Variants in CCDC88A observed in about 807,000 individuals in gnomAD.
The protein encoded by CCDC88A is girdin.
A neutral mutation model predicts 234.3 loss-of-function variants in CCDC88A; 54 were observed. The ratio of observed to expected loss-of-function variants is 0.23; its 90% CI spans 0.19 to 0.29. The LOEUF is 0.29. CCDC88A is among the 10% of genes least tolerant of loss of function. CCDC88A has a pLI of 1.00. For missense variants in CCDC88A, 1,832 were observed against 2,123.4 expected, an observed-to-expected ratio of 0.86 and a Z score of 2.70; for synonymous variants, 753 against 737.8, an observed-to-expected ratio of 1.02 and a Z score of -0.33.
intron 3 of CCDC88A, among the ~76,000 whole-genome samples, chr2:55,377,559 C>A (rs1298696507): frequency 1.3e-5 from 2 of 151,754 alleles, no homozygotes; most frequent in African/African-American, 2.4e-5. Flanking sequence ...GACGAAAGAG[C>A]CTTCAAATTC....
In CCDC88A at chr2:55,346,290, C is replaced by T. The variant is rs1669098738; in HGVS notation, c.926G>A (p.Arg309Gln). The T allele has an allele frequency of 6.2e-6, 10 of 1,608,904 alleles. No homozygotes were observed. Among genetic ancestry groups the T allele is most frequent in the East Asian group, 4.5e-5 (2 of 44,676 alleles). Residue 309 changes from arginine (R) to glutamine (Q), a missense_variant, in exon 10 of 33, where the codon CGA becomes CAA. This residue lies in a region of CCDC88A where 1,282 missense variants were observed against 1,543.6 expected (regional missense o/e 0.83). Transcript: ENST00000436346. ...LSDARSARMY[R>Q]DELDALREKA... ...CTCTCGAAGTGCATCTAATTCATCTCGGTACATTCTGGCAGAGCGAGCATC... is the reference window on the plus strand; with the variant it reads ...CTCTCGAAGTGCATCTAATTCATCTTGGTACATTCTGGCAGAGCGAGCATC...
At chr2:55,347,091 T>C (rs1470535255) in intron 9 of CCDC88A, among the ~76,000 whole-genome samples, 1 of 152,132 alleles carries the variant, frequency 6.6e-6, no homozygotes, top group Non-Finnish European at 1.5e-5. Flanking sequence ...CTAAAATAAA[T>C]CATTAATTAC....
chr2:55,365,240 C>G (rs1261630804), intron 5 of CCDC88A, among the ~76,000 whole-genome samples: 1 of 152,000 alleles, frequency 6.6e-6, no homozygotes. Context: ...GGTTTAAACT[C>G]AAGAATTTTT....
Position 55,334,223 on chromosome 2 carries a change from GT to G in CCDC88A, c.2597del (p.Asn866ThrfsTer18). ...NVKIGNLEKE[N>X]KTLSKEIGIY... ...TACCAATTTCTTTGGATAGGGTTTT[GT>G]TTTCTTTTTCCAAATTTCCAATCTT... On this transcript the variant is annotated frameshift_variant, in exon 15 of 33. Transcript: ENST00000436346. LOFTEE classifies it high-confidence loss of function. The surrounding 1 kb of genome is among the most constrained non-coding windows in gnomAD (Gnocchi z 6.1). The G allele has an allele frequency of 6.9e-7, 1 of 1,451,900 alleles. No homozygotes were observed. The highest frequency in any genetic ancestry group is 2.5e-5 in the East Asian group (1 of 39,922). The allele number at this position is 1,451,900 out of a possible 1,614,324, so 89.9% of individuals were successfully genotyped here.
At chr2:55,337,132 T>C in intron 13 of CCDC88A, 1 of 183,232 alleles carries the variant, frequency 5.5e-6, no homozygotes, top group South Asian at 1.4e-4. Flanking sequence ...AAAGATTCAC[T>C]TGGCTTGAGT....
chr2:55,334,750 A>T lies in CCDC88A; in HGVS notation c.2071T>A (p.Ser691Thr), dbSNP rs771650516. Residue 691 changes from serine to threonine, a missense_variant, in exon 15 of 33, where the codon TCC (serine) becomes ACC (threonine). Coordinates refer to ENST00000436346, the MANE Select transcript of CCDC88A (RefSeq NM_001365480.1). This position sits in a 1 kb window ranked among gnomAD's most constrained non-coding sequence, Gnocchi z 6.1. ...AGTTGGGAATTCTCTTTTTCTAGGGATTCTAACTGAAAGGTCAGATTTTTA... is the reference window on the plus strand; with the variant it reads ...AGTTGGGAATTCTCTTTTTCTAGGGTTTCTAACTGAAAGGTCAGATTTTTA... Reference protein sequence around the residue: ...SFKNLTFQLESLEKENSQLDE... With the variant: ...SFKNLTFQLETLEKENSQLDE... 6.2e-7 allele frequency: 1 copy of T among 1,610,422 alleles called. No homozygotes were observed. Among genetic ancestry groups the T allele is most frequent in the Non-Finnish European group, 8.5e-7 (1 of 1,178,770 alleles).
chr2:55,332,948 T>A lies in CCDC88A; in HGVS notation c.2728-255A>T, dbSNP rs1181561540. 6.6e-6 allele frequency among the ~76,000 whole-genome samples: 1 copy of A among 152,198 alleles called. No individual in the cohort carries two copies. Among genetic ancestry groups the A allele is most frequent in the African/African-American group, 2.4e-5 (1 of 41,450 alleles). On this transcript the variant is annotated intron_variant, in intron 15 of 32. Transcript: ENST00000436346. The surrounding 1 kb of genome is among the most constrained non-coding windows in gnomAD (Gnocchi z 4.5). ...TAACTCTTTACTTGTGAATACACAT[T>A]TAGGTTTGAAAACTGGGGAAAATCA...
intron 8 of CCDC88A, among the ~76,000 whole-genome samples, chr2:55,353,649 C>CAAAAAAA (rs34022778): frequency 5.2e-5 from 4 of 77,072 alleles, no homozygotes; most frequent in East Asian, 3.8e-4. Flanking sequence ...GAAACCAAAC[C>CAAAAAAA]AAAAAAAAAA....
chr2:55,336,913 T>C (rs1481229411), intron 13 of CCDC88A, 95 bp from the exon 14 acceptor site: 3 of 721,998 alleles, frequency 4.2e-6, no homozygotes, highest in Non-Finnish European at 6.6e-6. Flanking sequence ...AAGGATAAAA[T>C]AGTGTTAATA....
intron 5 of CCDC88A, 38 bp from the exon 6 acceptor site, chr2:55,364,071 A>T (rs1289018397): frequency 1.0e-6 from 1 of 1,003,910 alleles, no homozygotes; most frequent in South Asian, 1.4e-5. Flanking sequence ...CATACTTTAT[A>T]GGGTATGGTC....
chr2:55,305,906 ACTATTT>A (rs1303257678), intron 25 of CCDC88A, among the ~76,000 whole-genome samples: 4 of 151,794 alleles, frequency 2.6e-5, no homozygotes, highest in Non-Finnish European at 1.5e-5. Context: ...TATACCTATT[ACTATTT>A]CTTTCTTTTT....
intron 16 of CCDC88A, chr2:55,331,933 A>AT (rs1244084844): frequency 6.8e-6 from 1 of 147,316 alleles, no homozygotes; most frequent in Non-Finnish European, 1.5e-5. Flanking sequence ...TAACTTGCTT[A>AT]TTTTTGTTTG....
At chr2:55,297,401 T>C (rs1305322004) in intron 29 of CCDC88A, among the ~76,000 whole-genome samples, 1 of 21,732 alleles carries the variant, frequency 4.6e-5, no homozygotes, top group Non-Finnish European at 1.4e-4. Flanking sequence ...TATATATAAA[T>C]ATACATATGT....
intron 2 of CCDC88A, among the ~76,000 whole-genome samples, chr2:55,406,780 G>A (rs1365789362): frequency 6.6e-6 from 1 of 151,298 alleles, no homozygotes; most frequent in Non-Finnish European, 1.5e-5. Flanking sequence ...AAAAATCAAA[G>A]ACTAGTATCC....
intron 3 of CCDC88A, among the ~76,000 whole-genome samples, chr2:55,387,381 G>C (rs1675842576): frequency 6.6e-6 from 1 of 151,966 alleles, no homozygotes; most frequent in Admixed American, 6.6e-5. Context: ...ATTAATTTTG[G>C]CCTTTCCTAT....
chr2:55,302,820 A>C, intron 26 of CCDC88A: 1 of 281,290 alleles, frequency 3.6e-6, no homozygotes, highest in Non-Finnish European at 6.7e-6. Context: ...ATTTTTAGAA[A>C]GCACTGGAAA....
chr2:55,368,125 T>C (rs1672290843), intron 5 of CCDC88A, among the ~76,000 whole-genome samples: 1 of 152,210 alleles, frequency 6.6e-6, no homozygotes, highest in African/African-American at 2.4e-5. Flanking sequence ...GTGAAAATTC[T>C]AGGTGATGCT....
chr2:55,409,589 G>C (rs1680125201), intron 2 of CCDC88A, among the ~76,000 whole-genome samples: 1 of 152,110 alleles, frequency 6.6e-6, no homozygotes, highest in East Asian at 1.9e-4. Context: ...ATCTTTGAAT[G>C]AACTAGCCCT....
chr2:55,360,919 T>C (rs565961782), intron 7 of CCDC88A, among the ~76,000 whole-genome samples: 14 of 152,274 alleles, frequency 9.2e-5, no homozygotes, highest in Admixed American at 7.8e-4. Flanking sequence ...CCAAACCCTG[T>C]CTCTACTGAA....
Sources: allele counts gnomAD v4.1 joint callset (sites outside exome capture counted in the v4.1 genomes callset), GRCh38; gene constraint gnomAD v4.1.1; regional missense constraint gnomAD v4.1.1; non-coding constraint Gnocchi (gnomAD v3.1); transcripts MANE v1.5; gene names NCBI Gene and HGNC (gene_info 2026-07-23, HGNC 2026-07-21).